Variants in NBPF15 observed in about 807,000 individuals in gnomAD.
NBPF15 encodes the protein NBPF family member NBPF15.
NBPF15 carries 74 observed loss-of-function variants against 62.2 expected under a neutral mutation model. The observed-to-expected ratio is 1.19, with a 90% CI of 0.99 to 1.44. The LOEUF (loss-of-function observed/expected upper bound fraction) is 1.44. Ranked by LOEUF, NBPF15 falls within the 40% of genes most tolerant of loss-of-function variation. The probability of loss-of-function intolerance (pLI) is 0.00; values close to 1 mark genes in which losing one functional copy is unlikely to be tolerated. For missense variants in NBPF15, 790 were observed against 550.0 expected (o/e 1.44, Z -4.36); for synonymous variants, 244 against 209.7 (o/e 1.16, Z -1.41).
At chr1:144,456,271 C>G (rs1647683237) in intron 4 of NBPF15, among the ~76,000 whole-genome samples, 1 of 151,870 alleles carries the variant, frequency 6.6e-6, no homozygotes, top group African/African-American at 2.4e-5. Context: ...GGATGCAGAT[C>G]TAGCTACTAA....
chr1:144,442,205 TATTAATATATATA>T (rs1553542903), intron 6 of NBPF15, among the ~76,000 whole-genome samples: 4 of 99,434 alleles, frequency 4.0e-5, no homozygotes, highest in African/African-American at 1.1e-4. Context: ...GTATATATAT[TATTAATATATATA>T]ATATATATAT....
chr1:144,432,522 TAA>T lies in NBPF15; in HGVS notation c.824+1249_824+1250del, dbSNP rs1217476304. On this transcript the variant is annotated intron_variant, in intron 13 of 21. Coordinates refer to ENST00000581897, the MANE Select transcript of NBPF15 (RefSeq NM_001385408.1). ...AAAAAACACAGAATGGCAAATTGGA[TAA>T]AGAGTCAAGACCCATCAGTGTGCTG... Among the ~76,000 whole-genome samples the T allele has an allele frequency of 2.0e-5, 3 of 151,536 alleles. 1 individual carries two copies. Among genetic ancestry groups the T allele is most frequent in the Admixed American group, 2.0e-4 (3 of 15,218 alleles).
intron 13 of NBPF15, among the ~76,000 whole-genome samples, chr1:144,431,809 A>T (rs1674569900): frequency 7.2e-6 from 1 of 139,718 alleles, no homozygotes; most frequent in Admixed American, 7.3e-5. Flanking sequence ...ATGCCCCTAC[A>T]AAGGACATGA....
At position 144,422,845 on chromosome 1, in the gene NBPF15, GA is replaced by G. The variant is rs1417966241; in HGVS notation, c.*167del. 2 of 1,535,642 alleles carry G rather than the reference GA, an allele frequency of 1.3e-6. No individual in the cohort carries two copies. Among genetic ancestry groups the G allele is most frequent in the African/African-American group, 2.7e-5 (2 of 72,952 alleles). On this transcript the variant is annotated 3_prime_UTR_variant, in exon 22 of 22. Transcript: ENST00000581897. ...ACCTAACATGGGTCCATTGTCTTCA[GA>G]TTGAGCACAGGTTGCCAATGGCATG... is the stretch of plus-strand genomic sequence containing the variant.
At chr1:144,442,175 TATA>T (rs1357864294) in intron 6 of NBPF15, among the ~76,000 whole-genome samples, 7 of 111,380 alleles carry the variant, frequency 6.3e-5, no homozygotes, top group Non-Finnish European at 8.8e-5. Context: ...TATATATATA[TATA>T]TAATATATAT....
At chr1:144,446,565 T>C (rs1687679149) in intron 6 of NBPF15, among the ~76,000 whole-genome samples, 1 of 152,190 alleles carries the variant, frequency 6.6e-6, no homozygotes, top group Non-Finnish European at 1.5e-5. Context: ...TCTTCAAATC[T>C]GCCCTTAATG....
At position 144,442,670 on chromosome 1, in the gene NBPF15, C is replaced by G. The variant is rs1266951119; in HGVS notation, c.-190-2375G>C. Reference sequence around the variant, plus strand: ...GCCATTGTTGGCAACAAGGACCCACCTTCCATCTGGGCCGCCATCCCAGGG... The same window carrying G: ...GCCATTGTTGGCAACAAGGACCCACGTTCCATCTGGGCCGCCATCCCAGGG... On this transcript the variant is annotated intron_variant, in intron 6 of 21. Coordinates refer to ENST00000581897, the MANE Select transcript of NBPF15 (RefSeq NM_001385408.1). The G allele has an allele frequency of 3.1e-4, 48 of 156,438 alleles. 2 individuals carry two copies. The highest frequency in any genetic ancestry group is 1.1e-3 in the African/African-American group (44 of 41,506). 9.7% of individuals were successfully genotyped at this position (156,438 alleles called of 1,614,324 possible).
At chr1:144,455,807 G>T (rs587684370) in intron 4 of NBPF15, among the ~76,000 whole-genome samples, 1 of 151,884 alleles carries the variant, frequency 6.6e-6, no homozygotes, top group Non-Finnish European at 1.5e-5. Flanking sequence ...CCATGGGGTA[G>T]TGACCTGAGA....
chr1:144,423,015 A>G lies in NBPF15; in HGVS notation c.2011T>C (p.Ter671GlnextTer22), dbSNP rs1339317111. 2 of 1,611,548 alleles carry G rather than the reference A, an allele frequency of 1.2e-6. No homozygotes were observed. Among genetic ancestry groups the G allele is most frequent in the South Asian group, 1.1e-5 (1 of 90,976 alleles). Residue 671 changes from the stop codon to glutamine (Q), a stop_lost, in exon 22 of 22, where the codon TAA becomes CAA. Coordinates refer to ENST00000581897, the MANE Select transcript of NBPF15 (RefSeq NM_001385408.1). Reference protein sequence around the residue: ...VFQMGVIFPQ* With the variant: ...VFQMGVIFPQQ The stretch of plus-strand genomic sequence containing the variant: ...TCTCTCGGCTTAGTAAGAGCTGCTT[A>G]TTGTGGGAATATGACTCCCATCTGG...
intron 6 of NBPF15, among the ~76,000 whole-genome samples, chr1:144,441,887 T>C (rs1459271888): frequency 3.3e-5 from 5 of 149,326 alleles, no homozygotes; most frequent in Non-Finnish European, 7.4e-5. Flanking sequence ...TGAAGGGCAT[T>C]GGTGTCTTTG....
intron 6 of NBPF15, among the ~76,000 whole-genome samples, chr1:144,443,178 C>T (rs1267056859): frequency 2.0e-5 from 3 of 151,756 alleles, no homozygotes; most frequent in African/African-American, 7.3e-5. Context: ...CCACCCATAC[C>T]CCTCCTGTGT....
At chr1:144,447,633 C>T (rs1474290774) in intron 6 of NBPF15, among the ~76,000 whole-genome samples, 1 of 151,756 alleles carries the variant, frequency 6.6e-6, no homozygotes, top group Non-Finnish European at 1.5e-5. Flanking sequence ...TATGGGGAAA[C>T]AAAAGGAGAA....
At position 144,452,201 on chromosome 1, in the gene NBPF15, T is replaced by G. The variant is rs758918977; in HGVS notation, c.-431-1331A>C. The stretch of plus-strand genomic sequence containing the variant: ...AAAGACGGTTCACTACTTCAAATAT[T>G]ATTATGTGAAAATGTATCATCTCAA... On this transcript the variant is annotated intron_variant, in intron 4 of 21. Transcript: ENST00000581897. Among the ~76,000 whole-genome samples the G allele has an allele frequency of 1.7e-3, 257 of 152,110 alleles. 2 individuals are homozygous for G. Among genetic ancestry groups the G allele is most frequent in the Non-Finnish European group, 3.1e-3 (209 of 67,964 alleles).
intron 6 of NBPF15, among the ~76,000 whole-genome samples, chr1:144,445,354 TACAC>T (rs57409765): frequency 0.014 from 1,467 of 104,352 alleles, 25 homozygotes; most frequent in South Asian, 0.025. Context: ...TATATATATA[TACAC>T]ACACACACAC....
rs1553542813 is a variant in NBPF15, at chr1:144,442,116, A to AATATAATTAT, written c.-190-1822_-190-1821insATAATTATAT. Among the ~76,000 whole-genome samples the AATATAATTAT allele has an allele frequency of 1.6e-3, 100 of 61,890 alleles. 1 individual carries two copies. The highest frequency in any genetic ancestry group is 6.3e-3 in the African/African-American group (98 of 15,454). 40.6% of individuals were successfully genotyped at this position (61,890 alleles called of 152,430 possible). ...ATGGCACACGTGTATATATATATATAATATATATACACGTGTATATATATA... is the reference window on the plus strand; with the variant it reads ...ATGGCACACGTGTATATATATATATAATATAATTATATATATATACACGTGTATATATATA... On this transcript the variant is annotated intron_variant, in intron 6 of 21. Coordinates refer to ENST00000581897, the MANE Select transcript of NBPF15 (RefSeq NM_001385408.1).
rs1421169499 is a variant in NBPF15 at position 144,427,893 on chromosome 1, C to T, written c.1138G>A (p.Asp380Asn). 2 of 642,802 alleles carry T rather than the reference C, an allele frequency of 3.1e-6. No individual in the cohort carries two copies. The highest frequency in any genetic ancestry group is 5.6e-6 in the Non-Finnish European group (2 of 358,208). 39.8% of individuals were successfully genotyped at this position (642,802 alleles called of 1,614,324 possible). ...STPSGCLELT[D>N]SCQPYRSAFY... is the part of the protein sequence containing the mutation. ...GCACTTCTGTAGGGCTGGCATGAGT[C>T]AGTCAGTTCAAGACAACCTGAAGGA... The change falls in exon 16 of 22, where the codon GAC becomes AAC. Residue 380 changes from aspartate (D) to asparagine (N), a missense_variant. Physicochemically the swap from Asp to Asn is conservative, Grantham distance 23. Transcript: ENST00000581897.
intron 6 of NBPF15, among the ~76,000 whole-genome samples, chr1:144,445,110 C>G (rs1434665889): frequency 2.0e-5 from 3 of 151,268 alleles, no homozygotes; most frequent in Non-Finnish European, 4.4e-5. Flanking sequence ...TCCCTGATGA[C>G]TAAACAGTGG....
chr1:144,451,278 A>G (rs1358586848), intron 4 of NBPF15, among the ~76,000 whole-genome samples: 1 of 151,994 alleles, frequency 6.6e-6, no homozygotes, highest in Non-Finnish European at 1.5e-5. Context: ...TCCCACCTCC[A>G]GTCCTAAGGC....
chr1:144,455,075 G>A (rs1488538559), intron 4 of NBPF15, among the ~76,000 whole-genome samples: 1 of 146,546 alleles, frequency 6.8e-6, no homozygotes, highest in Non-Finnish European at 1.5e-5. Flanking sequence ...AAAGAATGGA[G>A]GGAGGGAAGG....
Sources: allele counts gnomAD v4.1 joint callset (sites outside exome capture counted in the v4.1 genomes callset), GRCh38; gene constraint gnomAD v4.1.1; transcripts MANE v1.5; gene names NCBI Gene and HGNC (gene_info 2026-07-23, HGNC 2026-07-21).